Variants in IQCE observed in about 807,000 individuals in gnomAD.
The protein encoded by IQCE is IQ domain-containing protein E.
A neutral mutation model predicts 96.0 loss-of-function variants in IQCE; 115 were observed. The observed-to-expected ratio is 1.20, with a 90% confidence interval of 1.03 to 1.40. IQCE has a LOEUF of 1.40. Ranked by LOEUF, IQCE falls within the 40% of genes most tolerant of loss-of-function variation. The pLI is 0.00. For missense variants in IQCE, 1,041 were observed against 909.1 expected (o/e 1.15, Z -1.87); for synonymous variants, 412 against 371.2 (o/e 1.11, Z -1.26).
chr7:2,581,437 C>T (rs1583438763), intron 8 of IQCE, among the ~76,000 whole-genome samples: 2 of 152,114 alleles, frequency 1.3e-5, no homozygotes, highest in South Asian at 2.1e-4. Flanking sequence ...AACTCCTAAC[C>T]TCAGGCAATC....
intron 10 of IQCE, among the ~76,000 whole-genome samples, chr7:2,583,952 C>T (rs1234737685): frequency 1.2e-4 from 1 of 8,010 alleles, no homozygotes; most frequent in African/African-American, 6.1e-4. Flanking sequence ...CCGAGCTGGG[C>T]GGCGGGGCGG....
chr7:2,595,085 C>T, intron 16 of IQCE, 109 bp downstream of exon 16: 1 of 756,474 alleles, frequency 1.3e-6, no homozygotes. Context: ...CACTGAAAAT[C>T]CCACTCCCCT....
chr7:2,564,502 G>T (rs1781215295), intron 1 of IQCE, among the ~76,000 whole-genome samples: 1 of 152,068 alleles, frequency 6.6e-6, no homozygotes, highest in African/African-American at 2.4e-5. Context: ...GGAGGCTGAG[G>T]CAGGAGAATC....
intron 1 of IQCE, among the ~76,000 whole-genome samples, chr7:2,565,365 T>A (rs1283298602): frequency 6.6e-6 from 1 of 152,144 alleles, no homozygotes; most frequent in Non-Finnish European, 1.5e-5. Flanking sequence ...TTCCCTGCAC[T>A]ATGACCGGCA....
In IQCE at chr7:2,586,205, C is replaced by G; in HGVS notation, c.825-3C>G. On this transcript the variant is annotated splice_polypyrimidine_tract_variant and splice_region_variant and intron_variant, in intron 11 of 21. Transcript: ENST00000402050. The stretch of plus-strand genomic sequence containing the variant: ...ACCTCAGTCCACGATTTGGTTGTTC[C>G]AGGCCCCTGGGGGAGAAGAAGACGG... The G allele has an allele frequency of 6.2e-7, 1 of 1,612,046 alleles. No homozygotes were observed. Among genetic ancestry groups the G allele is most frequent in the Non-Finnish European group, 8.5e-7 (1 of 1,179,306 alleles).
At chr7:2,571,264 C>G in intron 3 of IQCE, 1 of 381,974 alleles carries the variant, frequency 2.6e-6, no homozygotes, top group South Asian at 2.4e-5. Flanking sequence ...AGCGATTCTC[C>G]TGCCTTAGCC....
rs1324706971 is a variant in IQCE, at chr7:2,612,341, A to T, written c.*2179A>T. 1.3e-5 allele frequency: 2 copies of T among 152,338 alleles called. No individual in the cohort carries two copies. Among genetic ancestry groups the T allele is most frequent in the Admixed American group, 6.5e-5 (1 of 15,286 alleles). The allele number at this position is 152,338 out of a possible 1,614,324, so 9.4% of individuals were successfully genotyped here. ...TGATGCCCAGTGTCCAGTGCTGGTC[A>T]CCAGTCCCCTTTGCTGGGTACAGCC... is the stretch of plus-strand genomic sequence containing the variant. On this transcript the variant is annotated 3_prime_UTR_variant, in exon 22 of 22. Coordinates refer to ENST00000402050, the MANE Select transcript of IQCE (RefSeq NM_152558.5).
intron 14 of IQCE, among the ~76,000 whole-genome samples, chr7:2,590,918 G>A (rs908437637): frequency 6.6e-6 from 1 of 152,088 alleles, no homozygotes; most frequent in Non-Finnish European, 1.5e-5. Flanking sequence ...TCAGTAATAT[G>A]TTTATGGGGG....
At chr7:2,594,812 C>G in intron 15 of IQCE, 74 bp from the exon 16 acceptor site, 1 of 1,096,606 alleles carries the variant, frequency 9.1e-7, no homozygotes, top group Non-Finnish European at 1.4e-6. Flanking sequence ...GACCGCCCGC[C>G]CCACCCTGCC....
At chr7:2,588,654 G>GT (rs370704456) in intron 13 of IQCE, among the ~76,000 whole-genome samples, 12,197 of 49,736 alleles carry the variant, frequency 0.25, 4,539 homozygotes, top group Non-Finnish European at 0.31. Flanking sequence ...TGCCTGGCTG[G>GT]TTTTTTTTTT....
At chr7:2,605,106 C>A in intron 19 of IQCE, 115 bp downstream of exon 19, 2 of 718,112 alleles carry the variant, frequency 2.8e-6, no homozygotes, top group Non-Finnish European at 4.7e-6. Flanking sequence ...GCCCGCCCAG[C>A]AGGCGTCCCC....
intron 18 of IQCE, 118 bp downstream of exon 18, chr7:2,601,582 C>T: frequency 1.2e-6 from 1 of 820,902 alleles, no homozygotes; most frequent in South Asian, 1.4e-5. Flanking sequence ...TGGAATCTCG[C>T]TCTGTGGCCC....
At chr7:2,577,624 G>A (rs111910016) in intron 6 of IQCE, among the ~76,000 whole-genome samples, 3,880 of 94,456 alleles carry the variant, frequency 0.041, 139 homozygotes, top group Non-Finnish European at 0.048. Flanking sequence ...GGGGACGTGT[G>A]TGCGGCGTGC....
Position 2,568,976 on chromosome 7 carries a change from A to G in IQCE, c.107A>G (p.His36Arg), listed in dbSNP as rs1275624957. 12 of 1,613,894 alleles carry G rather than the reference A, an allele frequency of 7.4e-6. No individual in the cohort carries two copies. In the Admixed American group the frequency reaches 2.0e-4, roughly 27 times the overall value. ...VETKAKRKAF[H>R]KPPPTSPKSP... ...CAGAAAGCAAAAAGGAAAGCTTTCC[A>G]CAAACCTCCACCCACATCGCCAAGT... is the stretch of plus-strand genomic sequence containing the variant. The change falls in exon 3 of 22, where the codon CAC (histidine) becomes CGC (arginine). Residue 36 changes from histidine to arginine, a missense_variant. By Grantham distance (29) the His-to-Arg change is conservative. Transcript: ENST00000402050.
chr7:2,582,716 C>T (rs1357682616), intron 9 of IQCE, 66 bp downstream of exon 9: 29 of 1,420,164 alleles, frequency 2.0e-5, no homozygotes, highest in Non-Finnish European at 2.6e-5. Context: ...AGACGCCCGC[C>T]TTTGTTCCTC....
intron 17 of IQCE, among the ~76,000 whole-genome samples, chr7:2,601,112 A>C (rs1244474953): frequency 6.6e-6 from 1 of 152,084 alleles, no homozygotes; most frequent in African/African-American, 2.4e-5. Flanking sequence ...GCCCACATCC[A>C]CCTCCATAGG....
intron 8 of IQCE, 92 bp downstream of exon 8, chr7:2,578,618 C>A: frequency 7.2e-7 from 1 of 1,380,674 alleles, no homozygotes; most frequent in Non-Finnish European, 1.0e-6. Context: ...AGCACCCACG[C>A]GTGAAGAGCA....
At chr7:2,602,278 G>A (rs781649023) in intron 18 of IQCE, among the ~76,000 whole-genome samples, 8 of 152,238 alleles carry the variant, frequency 5.3e-5, no homozygotes, top group Non-Finnish European at 1.0e-4. Flanking sequence ...CTGGAATGGA[G>A]GTTGAGTATG....
Position 2,610,220 on chromosome 7 carries a change from G to T in IQCE, c.*58G>T. 1 of 964,636 alleles carries T rather than the reference G, an allele frequency of 1.0e-6. No individual in the cohort carries two copies. Among genetic ancestry groups the T allele is most frequent in the African/African-American group, 1.6e-5 (1 of 62,640 alleles). 59.8% of individuals were successfully genotyped at this position (964,636 alleles called of 1,614,324 possible). A position where few individuals can be genotyped will look rare whatever the true frequency, so the allele number is the denominator to read the frequency against. On this transcript the variant is annotated 3_prime_UTR_variant, in exon 22 of 22. Coordinates refer to ENST00000402050, the MANE Select transcript of IQCE (RefSeq NM_152558.5). ...GCGCTGCCGAGGACATAGGAACCAC[G>T]ACTGGAAAGATAATTTATCGTGTTA... is the stretch of plus-strand genomic sequence containing the variant.
Sources: gnomAD v4.1 joint callset for allele counts (sites outside exome capture counted in the v4.1 genomes callset) on GRCh38, gnomAD v4.1.1 for gene constraint, MANE v1.5 for transcripts, NCBI Gene and HGNC (gene_info 2026-07-23, HGNC 2026-07-21) for gene names.